The following ZNF736 variants were observed in gnomAD, a reference collection of about 807,000 sequenced individuals.
The protein encoded by ZNF736 is KRAB-containing zinc-finger repressor protein.
Under a neutral mutation model 11.7 loss-of-function variants are expected in ZNF736, and 6 were observed. The observed-to-expected ratio is 0.51, with a 90% confidence interval of 0.28 to 1.01. ZNF736 has a LOEUF of 1.01. Ranked by LOEUF, ZNF736 falls within the 50% of genes least tolerant of loss-of-function variation. The pLI, the probability that ZNF736 is intolerant of heterozygous loss-of-function variation, is 0.09. For synonymous variants in ZNF736, 139 were observed against 164.7 expected (o/e 0.84, Z 1.19); for missense variants, 444 against 496.0 (o/e 0.90, Z 1.00).
chr7:64,343,000 CATA>C (rs1295948421), intron 3 of ZNF736, among the ~76,000 whole-genome samples: 4 of 152,090 alleles, frequency 2.6e-5, no homozygotes, highest in African/African-American at 9.7e-5. Flanking sequence ...ACATTAATGA[CATA>C]ATAAGTATGT....
In ZNF736 at chr7:64,348,147, T is replaced by C; in HGVS notation, c.284T>C (p.Phe95Ser). ...CCGGATCATGACATAAAAGATTCAT[T>C]TCAAAAAGTGATTCTGAGAAAATAT... is the stretch of plus-strand genomic sequence containing the variant. ...ILPDHDIKDSFQKVILRKYGS... is the reference protein window; with the variant it reads ...ILPDHDIKDSSQKVILRKYGS... Residue 95 changes from phenylalanine (F) to serine (S), a missense_variant, in exon 4 of 4, where the codon TTT becomes TCT. Physicochemically the swap from Phe to Ser is radical, Grantham distance 155. Coordinates refer to ENST00000423484, the MANE Select transcript of ZNF736 (RefSeq NM_001170905.3). 3.2e-6 allele frequency: 5 copies of C among 1,548,336 alleles called. No homozygotes were observed. Among genetic ancestry groups the C allele is most frequent in the Non-Finnish European group, 4.4e-6 (5 of 1,146,130 alleles).
intron 1 of ZNF736, among the ~76,000 whole-genome samples, chr7:64,325,476 C>T (rs1393495539): frequency 6.6e-6 from 1 of 152,136 alleles, no homozygotes. Flanking sequence ...CCTGACTAAA[C>T]CCTCTTTCAT....
At position 64,342,060 on chromosome 7, in the gene ZNF736, T is replaced by A. The variant is rs147002236; in HGVS notation, c.226+5078T>A. Among the ~76,000 whole-genome samples, 41 of 152,308 alleles carry A rather than the reference T, an allele frequency of 2.7e-4. No individual in the cohort carries two copies. The East Asian group carries it at 7.9e-3, about 29-fold the overall frequency. ...TGAATTCTTTAAGTCTTCTATCCAT[T>A]TAATCTGCTGGTGCATTCACAGTGA... On this transcript the variant is annotated intron_variant, in intron 3 of 3. Transcript: ENST00000423484.
At chr7:64,337,747 T>TTTTGG (rs1789275637) in intron 3 of ZNF736, among the ~76,000 whole-genome samples, 1 of 19,020 alleles carries the variant, frequency 5.3e-5, no homozygotes, top group African/African-American at 1.9e-4. Flanking sequence ...TTTTGTTTTG[T>TTTTGG]TTTTTTTGGT....
Position 64,354,371 on chromosome 7 carries a change from G to T in ZNF736, c.*5224G>T, listed in dbSNP as rs2293344. The T allele has an allele frequency of 6.6e-6, 1 of 151,900 alleles. No individual in the cohort carries two copies. The highest frequency in any genetic ancestry group is 1.5e-5 in the Non-Finnish European group (1 of 67,944). The allele number at this position is 151,900 out of a possible 1,614,324, so 9.4% of individuals were successfully genotyped here. ...AGTAATCATATTTGTTTATGGTTGT[G>T]TACCTACTTTGAGAAGAAAAGAAAA... On this transcript the variant is annotated 3_prime_UTR_variant, in exon 4 of 4. Coordinates refer to ENST00000423484, the MANE Select transcript of ZNF736 (RefSeq NM_001170905.3).
At chr7:64,337,203 T>TG (rs1789264740) in intron 3 of ZNF736, 1 of 524,968 alleles carries the variant, frequency 1.9e-6, no homozygotes, top group Non-Finnish European at 3.4e-6. Context: ...TGTGTGTGTG[T>TG]TGTGTGTGTG....
intron 1 of ZNF736, 151 bp from the exon 2 acceptor site, chr7:64,336,108 A>C (rs1239597709): frequency 1.8e-5 from 16 of 870,298 alleles, no homozygotes; most frequent in Middle Eastern, 6.8e-4. Flanking sequence ...TTAAAAATAC[A>C]CTAGAGAATA....
At chr7:64,335,466 T>G (rs190973866) in intron 1 of ZNF736, among the ~76,000 whole-genome samples, 217 of 152,340 alleles carry the variant, frequency 1.4e-3, no homozygotes, top group Non-Finnish European at 2.2e-3. Flanking sequence ...TCTTTGTTAA[T>G]CAGCACCTGA....
intron 3 of ZNF736, among the ~76,000 whole-genome samples, chr7:64,345,361 T>A (rs1789395514): frequency 6.6e-6 from 1 of 151,842 alleles, no homozygotes; most frequent in Non-Finnish European, 1.5e-5. Context: ...GTGTGTTGAA[T>A]GTGTGGGTCA....
At chr7:64,337,741 G>GTTTTT (rs1383507756) in intron 3 of ZNF736, among the ~76,000 whole-genome samples, 44 of 69,180 alleles carry the variant, frequency 6.4e-4, no homozygotes, top group South Asian at 1.8e-3. Context: ...GTTTTGTTTT[G>GTTTTT]TTTTGTTTTT....
intron 1 of ZNF736, among the ~76,000 whole-genome samples, chr7:64,323,797 A>G (rs1490760255): frequency 1.3e-5 from 2 of 152,168 alleles, no homozygotes; most frequent in Non-Finnish European, 2.9e-5. Context: ...TACATGGGTG[A>G]TGGGTTGATC....
intron 1 of ZNF736, among the ~76,000 whole-genome samples, chr7:64,333,124 T>TGAAA (rs1789194438): frequency 2.6e-5 from 4 of 152,206 alleles, no homozygotes; most frequent in African/African-American, 7.2e-5. Context: ...CTGATAAATG[T>TGAAA]CCAAGAAGTT....
In ZNF736 at chr7:64,356,312, T is replaced by G. The variant is rs1021205149; in HGVS notation, c.*7165T>G. The G allele has an allele frequency of 2.0e-5, 3 of 152,250 alleles. No homozygotes were observed. Among genetic ancestry groups the G allele is most frequent in the African/African-American group, 7.2e-5 (3 of 41,466 alleles). 9.4% of individuals were successfully genotyped at this position (152,250 alleles called of 1,614,324 possible). ...CTACTGAAGGCCAGAATAGATTTTT[T>G]TCTCTTAAATTTTTGGCAAGTATAA... On this transcript the variant is annotated 3_prime_UTR_variant, in exon 4 of 4. Transcript: ENST00000423484.
chr7:64,343,112 C>T (rs1235871767), intron 3 of ZNF736, among the ~76,000 whole-genome samples: 1 of 152,026 alleles, frequency 6.6e-6, no homozygotes, highest in African/African-American at 2.4e-5. Context: ...TCACTGTATA[C>T]CAGTGATTCA....
rs749004892 is a variant in ZNF736 at position 64,356,005 on chromosome 7, C to T, written c.*6858C>T. 5.5e-6 allele frequency: 1 copy of T among 183,132 alleles called. No homozygotes were observed. The highest frequency in any genetic ancestry group is 1.2e-5 in the Non-Finnish European group (1 of 82,148). 11.3% of individuals were successfully genotyped at this position (183,132 alleles called of 1,614,324 possible). A position where few individuals can be genotyped will look rare whatever the true frequency, so the allele number is the denominator to read the frequency against. ...CTGCATCAGGTCCTAAGAAAACCCA[C>T]CTTCTGCCAGTAGTAAAATCCAGTA... On this transcript the variant is annotated 3_prime_UTR_variant, in exon 4 of 4. Transcript: ENST00000423484.
intron 1 of ZNF736, among the ~76,000 whole-genome samples, chr7:64,331,186 A>G (rs1166438363): frequency 6.6e-6 from 1 of 152,134 alleles, no homozygotes; most frequent in Non-Finnish European, 1.5e-5. Context: ...AGAACCCCAG[A>G]GTGCTTTAGC....
intron 3 of ZNF736, among the ~76,000 whole-genome samples, chr7:64,346,932 A>G (rs1789417367): frequency 1.3e-5 from 2 of 150,962 alleles, no homozygotes; most frequent in Non-Finnish European, 3.0e-5. Flanking sequence ...ATAGATCAAG[A>G]CTTTAATTCA....
At position 64,351,634 on chromosome 7, in the gene ZNF736, G is replaced by A. The variant is rs1306627733; in HGVS notation, c.*2487G>A. 6.6e-6 allele frequency: 1 copy of A among 152,246 alleles called. No homozygotes were observed. The highest frequency in any genetic ancestry group is 2.4e-5 in the African/African-American group (1 of 41,454). 9.4% of individuals were successfully genotyped at this position (152,246 alleles called of 1,614,324 possible). ...AAATTAGGCCCAACAGTTCCCGTAGGGCTAAAGTCTCTTATGGGAGACAGT... is the reference window on the plus strand; with the variant it reads ...AAATTAGGCCCAACAGTTCCCGTAGAGCTAAAGTCTCTTATGGGAGACAGT... On this transcript the variant is annotated 3_prime_UTR_variant, in exon 4 of 4. Transcript: ENST00000423484.
chr7:64,346,318 G>T (rs1789409030), intron 3 of ZNF736, among the ~76,000 whole-genome samples: 1 of 146,272 alleles, frequency 6.8e-6, no homozygotes, highest in South Asian at 2.2e-4. Context: ...TTTTCATCCT[G>T]CCATTTTGTC....
Sources: gnomAD v4.1 joint callset for allele counts (sites outside exome capture counted in the v4.1 genomes callset) on GRCh38, gnomAD v4.1.1 for gene constraint, MANE v1.5 for transcripts, NCBI Gene and HGNC (gene_info 2026-07-23, HGNC 2026-07-21) for gene names.